The following GPR83 variants were observed in gnomAD, a reference collection of about 807,000 sequenced individuals.
The protein encoded by GPR83 is G protein-coupled receptor 83, also known as G-protein coupled receptor 72.
In GPR83, 23 loss-of-function variants were observed where a neutral mutation model predicts 28.0. The ratio of observed to expected loss-of-function variants is 0.82; its 90% CI spans 0.59 to 1.16. The LOEUF (loss-of-function observed/expected upper bound fraction) is 1.16, where lower values mean the gene tolerates loss of function less well. GPR83 is among the 50% of genes most tolerant of loss of function. The pLI, the probability that GPR83 is intolerant of heterozygous loss-of-function variation, is 0.00. For missense variants in GPR83, 610 were observed against 536.6 expected (o/e 1.14, Z -1.35); for synonymous variants, 234 against 215.4 (o/e 1.09, Z -0.76).
chr11:94,401,011 G>A lies in GPR83; in HGVS notation c.237C>T (p.Ser79=). ...CAAAGAGTGAGAAGACAATGATGAA[G>A]GAGTAAGCCACAATGAGCAGGGCTT... The part of the protein sequence containing the change: ...TVKALLIVAY[S]FIIVFSLFGN... The change falls in exon 1 of 4, where the codon TCC becomes TCT. Residue 79 remains serine (S), a synonymous_variant. Coordinates refer to ENST00000243673, the MANE Select transcript of GPR83 (RefSeq NM_016540.4). The A allele has an allele frequency of 6.2e-7, 1 of 1,614,202 alleles. No individual in the cohort carries two copies. Among genetic ancestry groups the A allele is most frequent in the Non-Finnish European group, 8.5e-7 (1 of 1,180,004 alleles).
At chr11:94,398,486 C>T (rs747877077) in intron 1 of GPR83, among the ~76,000 whole-genome samples, 3 of 152,140 alleles carry the variant, frequency 2.0e-5, no homozygotes, top group Non-Finnish European at 4.4e-5. Flanking sequence ...CATCTCAACC[C>T]GGGAAATTTC....
At chr11:94,389,876 AT>A (rs1160598147) in intron 3 of GPR83, among the ~76,000 whole-genome samples, 7 of 152,268 alleles carry the variant, frequency 4.6e-5, no homozygotes, top group African/African-American at 1.7e-4. Flanking sequence ...CAGACGTATG[AT>A]TATTGCGGCA....
In GPR83 at chr11:94,380,571, G is replaced by T; in HGVS notation, c.850C>A (p.Arg284=). 6.2e-7 allele frequency: 1 copy of T among 1,614,076 alleles called. No individual in the cohort carries two copies. The highest frequency in any genetic ancestry group is 1.1e-5 in the South Asian group (1 of 91,076). The part of the protein sequence containing the change: ...DVTTEQYFAL[R]RKKKKTIKML... ...TTGATGGTCTTCTTCTTTTTGCGCC[G>T]CAGGGCAAAGTACTGCTCTGTGGTC... Residue 284 remains arginine, a synonymous_variant, in exon 4 of 4, where the codon CGG becomes AGG. Coordinates refer to ENST00000243673, the MANE Select transcript of GPR83 (RefSeq NM_016540.4).
rs911589878 is a variant in GPR83 at position 94,377,951 on chromosome 11, C to A, written c.*2198G>T. 4 of 152,196 alleles carry A rather than the reference C, an allele frequency of 2.6e-5. No individual in the cohort carries two copies. Among genetic ancestry groups the A allele is most frequent in the Admixed American group, 2.6e-4 (4 of 15,266 alleles). The allele number at this position is 152,196 out of a possible 1,614,324, so 9.4% of individuals were successfully genotyped here. A position where few individuals can be genotyped will look rare whatever the true frequency, so the allele number is the denominator to read the frequency against. ...ATCCTCCATGCTTCCCAGAGCAGGACAAACCTTCTGTATGCCTGCTGCCTT... is the reference window on the plus strand; with the variant it reads ...ATCCTCCATGCTTCCCAGAGCAGGAAAAACCTTCTGTATGCCTGCTGCCTT... On this transcript the variant is annotated 3_prime_UTR_variant, in exon 4 of 4. Transcript: ENST00000243673.
intron 3 of GPR83, among the ~76,000 whole-genome samples, chr11:94,383,336 G>A (rs1944713673): frequency 6.6e-6 from 1 of 152,130 alleles, no homozygotes. Context: ...ATTTAAAGCA[G>A]TGTGTAGAGG....
chr11:94,384,930 A>G (rs1463389690), intron 3 of GPR83, among the ~76,000 whole-genome samples: 1 of 152,206 alleles, frequency 6.6e-6, no homozygotes, highest in Non-Finnish European at 1.5e-5. Flanking sequence ...CGAGTAGTCT[A>G]CCTGGGAGGC....
intron 3 of GPR83, among the ~76,000 whole-genome samples, chr11:94,387,265 G>C (rs1262333571): frequency 6.6e-6 from 1 of 152,154 alleles, no homozygotes; most frequent in African/African-American, 2.4e-5. Flanking sequence ...ACAATTAAAA[G>C]AACAAGAGAA....
intron 2 of GPR83, among the ~76,000 whole-genome samples, chr11:94,394,512 T>C (rs945200145): frequency 3.9e-5 from 6 of 152,188 alleles, no homozygotes; most frequent in African/African-American, 1.4e-4. Flanking sequence ...ACATTATTTT[T>C]TGAAAAAGGC....
chr11:94,389,167 A>C (rs1330167687), intron 3 of GPR83, among the ~76,000 whole-genome samples: 2 of 152,212 alleles, frequency 1.3e-5, no homozygotes, highest in Non-Finnish European at 2.9e-5. Flanking sequence ...TTACACAAAA[A>C]TTAATTCAAG....
chr11:94,385,297 T>A (rs916610291), intron 3 of GPR83, among the ~76,000 whole-genome samples: 2 of 152,060 alleles, frequency 1.3e-5, no homozygotes, highest in Non-Finnish European at 2.9e-5. Context: ...GCACCTCTCC[T>A]CCTCCAAAGG....
At chr11:94,388,727 T>C (rs1431834395) in intron 3 of GPR83, among the ~76,000 whole-genome samples, 1 of 152,152 alleles carries the variant, frequency 6.6e-6, no homozygotes, top group African/African-American at 2.4e-5. Context: ...AGAATCAGTA[T>C]TGTGAAAATG....
At chr11:94,381,205 T>C (rs754412660) in intron 3 of GPR83, among the ~76,000 whole-genome samples, 1 of 152,166 alleles carries the variant, frequency 6.6e-6, no homozygotes, top group Non-Finnish European at 1.5e-5. Context: ...ATATGAGTGG[T>C]AAAGCCTGAA....
chr11:94,386,912 A>G (rs1461842483), intron 3 of GPR83, among the ~76,000 whole-genome samples: 1 of 152,180 alleles, frequency 6.6e-6, no homozygotes, highest in African/African-American at 2.4e-5. Flanking sequence ...TCCAAAATTG[A>G]CCACATAGTT....
intron 1 of GPR83, among the ~76,000 whole-genome samples, chr11:94,399,896 G>C (rs1478111664): frequency 6.6e-6 from 1 of 152,134 alleles, no homozygotes; most frequent in Non-Finnish European, 1.5e-5. Context: ...CACCACCAGC[G>C]CTAAGTAGCC....
intron 3 of GPR83, among the ~76,000 whole-genome samples, chr11:94,388,325 C>G (rs893868966): frequency 6.6e-6 from 1 of 152,078 alleles, no homozygotes; most frequent in Non-Finnish European, 1.5e-5. Context: ...CTGGCCAGGG[C>G]AATCAGGCAG....
chr11:94,393,514 G>C lies in GPR83; in HGVS notation c.618C>G (p.Ile206Met), dbSNP rs1944837540. The part of the protein sequence containing the change: ...MATFFSLPHA[I>M]CQKLFTFKYS... ...ATTTGAAGGTAAATAATTTCTGGCA[G>C]ATAGCATGTGGGAGTGAAAAGAACG... is the stretch of plus-strand genomic sequence containing the variant. The change falls in exon 3 of 4, where the codon ATC becomes ATG. Residue 206 changes from isoleucine to methionine, a missense_variant. Transcript: ENST00000243673. The C allele has an allele frequency of 3.1e-6, 5 of 1,613,934 alleles. No individual in the cohort carries two copies. Among genetic ancestry groups the C allele is most frequent in the African/African-American group, 1.3e-5 (1 of 74,938 alleles).
intron 3 of GPR83, among the ~76,000 whole-genome samples, chr11:94,391,642 C>T (rs193007200): frequency 6.6e-6 from 1 of 152,102 alleles, no homozygotes; most frequent in African/African-American, 2.4e-5. Context: ...AACAAACAAC[C>T]CCATCAACAA....
chr11:94,391,828 T>C (rs373180102), intron 3 of GPR83, among the ~76,000 whole-genome samples: 2 of 152,204 alleles, frequency 1.3e-5, no homozygotes, highest in East Asian at 3.9e-4. Flanking sequence ...AAACAATTGA[T>C]GCTGGAGAGG....
At chr11:94,397,554 G>A (rs1944877776) in intron 1 of GPR83, among the ~76,000 whole-genome samples, 1 of 152,220 alleles carries the variant, frequency 6.6e-6, no homozygotes, top group Non-Finnish European at 1.5e-5. Flanking sequence ...ACTGATCACT[G>A]TGACCTTGGG....
Sources: allele counts gnomAD v4.1 joint callset (sites outside exome capture counted in the v4.1 genomes callset), GRCh38; gene constraint gnomAD v4.1.1; transcripts MANE v1.5; gene names NCBI Gene and HGNC (gene_info 2026-07-23, HGNC 2026-07-21).